Variants in CSMD1 observed in about 807,000 individuals in gnomAD.
The protein encoded by CSMD1 is CUB and Sushi multiple domains 1, also known as CUB and sushi domain-containing protein 1.
A neutral mutation model predicts 417.5 loss-of-function variants in CSMD1; 213 were observed. That is an observed-to-expected ratio of 0.51 (90% CI 0.46 to 0.57). The LOEUF (loss-of-function observed/expected upper bound fraction) is 0.57. Ranked by LOEUF, CSMD1 falls within the 20% of genes least tolerant of loss-of-function variation. The pLI is 0.00. For missense variants in CSMD1, 6,923 were observed against 4,529.7 expected (o/e 1.53, Z -15.17); for synonymous variants, 2,862 against 1,736.8 (o/e 1.65, Z -16.11).
intron 10 of CSMD1, among the ~76,000 whole-genome samples, chr8:3,515,957 A>C (rs149603709): frequency 6.6e-6 from 1 of 152,202 alleles, no homozygotes; most frequent in East Asian, 1.9e-4. Flanking sequence ...GTGACGTACC[A>C]AACTGTTCGT....
At chr8:4,887,591 C>G (rs1803836137) in intron 1 of CSMD1, among the ~76,000 whole-genome samples, 2 of 151,898 alleles carry the variant, frequency 1.3e-5, no homozygotes, top group South Asian at 2.1e-4. Flanking sequence ...TTATTTTAAT[C>G]TATTTCTGCT....
chr8:4,398,385 C>CTTTTTTTTTTTTTTTTTT (rs1317009143), intron 3 of CSMD1, among the ~76,000 whole-genome samples: 2 of 118,134 alleles, frequency 1.7e-5, no homozygotes, highest in Admixed American at 9.9e-5. Context: ...CTTGCTGCAA[C>CTTTTTTTTTTTTTTTTTT]TTCTTTTTTT....
At chr8:3,797,185 A>G (rs532702224) in intron 5 of CSMD1, among the ~76,000 whole-genome samples, 1 of 152,088 alleles carries the variant, frequency 6.6e-6, no homozygotes, top group Non-Finnish European at 1.5e-5. Flanking sequence ...TCAACTTGAA[A>G]TGTCAAAGAA....
chr8:3,453,945 C>G (rs1278075094), intron 12 of CSMD1, among the ~76,000 whole-genome samples: 3 of 152,128 alleles, frequency 2.0e-5, no homozygotes, highest in Non-Finnish European at 2.9e-5. Context: ...GTGTGGGACT[C>G]TAAGTCTCTT....
chr8:3,518,147 AG>A (rs33923605), intron 10 of CSMD1, among the ~76,000 whole-genome samples: 21,181 of 152,100 alleles, frequency 0.14, 1,605 homozygotes, highest in Admixed American at 0.21. Context: ...TAGAAAAAAA[AG>A]AATGGAAATA....
chr8:4,007,375 G>T (rs1262968182), intron 4 of CSMD1, among the ~76,000 whole-genome samples: 1 of 152,118 alleles, frequency 6.6e-6, no homozygotes, highest in Non-Finnish European at 1.5e-5. Flanking sequence ...TAGCCACACT[G>T]CTTCCTGGGG....
chr8:4,825,683 G>C (rs1347993180), intron 1 of CSMD1, among the ~76,000 whole-genome samples: 1 of 151,174 alleles, frequency 6.6e-6, no homozygotes, highest in Non-Finnish European at 1.5e-5. Context: ...CCAGTGAAAA[G>C]GCAACCTACA....
chr8:3,588,282 A>G (rs897572271), intron 8 of CSMD1, among the ~76,000 whole-genome samples: 7 of 151,862 alleles, frequency 4.6e-5, no homozygotes, highest in African/African-American at 1.4e-4. Flanking sequence ...AGATAACATA[A>G]TAGTTAAGAA....
At chr8:3,007,862 G>A (rs1808070412) in intron 52 of CSMD1, among the ~76,000 whole-genome samples, 1 of 151,604 alleles carries the variant, frequency 6.6e-6, no homozygotes, top group East Asian at 1.9e-4. Flanking sequence ...CATGGCACAT[G>A]TATACATATG....
chr8:3,993,493 G>C (rs1372563443), intron 5 of CSMD1, among the ~76,000 whole-genome samples: 1 of 152,130 alleles, frequency 6.6e-6, no homozygotes, highest in Non-Finnish European at 1.5e-5. Flanking sequence ...CTGAAGTTTT[G>C]TTTTAACTTT....
In CSMD1 at chr8:3,599,151, CTGTGTGTGTG is replaced by C. The variant is rs1554483034; in HGVS notation, c.1098-12901_1098-12892del. On this transcript the variant is annotated intron_variant, in intron 8 of 69. Transcript: ENST00000635120. ...TGTGTGTGTGTGTGTGTGTGTGTGT[CTGTGTGTGTG>C]TCTGTGTGTGTGTGTGTGTGAGATG... 7.5e-5 allele frequency among the ~76,000 whole-genome samples: 9 copies of C among 119,962 alleles called. No homozygotes were observed. The East Asian group carries it at 1.7e-3, about 23-fold the overall frequency. 78.7% of individuals were successfully genotyped at this position (119,962 alleles called of 152,430 possible). A position where few individuals can be genotyped will look rare whatever the true frequency, so the allele number is the denominator to read the frequency against.
At chr8:4,062,166 G>T (rs13253871) in intron 3 of CSMD1, among the ~76,000 whole-genome samples, 18 of 152,030 alleles carry the variant, frequency 1.2e-4, no homozygotes, top group South Asian at 6.2e-4. Context: ...CCAGAAACAC[G>T]CAAGACTTGC....
chr8:4,712,359 T>G (rs1039198151), intron 1 of CSMD1, among the ~76,000 whole-genome samples: 2 of 152,146 alleles, frequency 1.3e-5, no homozygotes, highest in African/African-American at 4.8e-5. Context: ...CCCTTTGATT[T>G]GTACATGGCA....
chr8:4,303,000 A>C (rs577598293), intron 3 of CSMD1, among the ~76,000 whole-genome samples: 3 of 152,290 alleles, frequency 2.0e-5, no homozygotes, highest in African/African-American at 7.2e-5. Context: ...AATAGACACA[A>C]AATCCAAGAA....
chr8:4,749,883 A>C (rs1035537101), intron 1 of CSMD1, among the ~76,000 whole-genome samples: 13 of 152,136 alleles, frequency 8.5e-5, no homozygotes, highest in African/African-American at 3.1e-4. Flanking sequence ...TGCAACTTCA[A>C]AATCCCGGGT....
rs147980523 is a variant in CSMD1 at position 3,970,885 on chromosome 8, G to C, written c.818+27018C>G. 1.0e-3 allele frequency among the ~76,000 whole-genome samples: 159 copies of C among 152,192 alleles called. 1 individual carries two copies. The highest frequency in any genetic ancestry group is 3.7e-3 in the African/African-American group (152 of 41,530). The stretch of plus-strand genomic sequence containing the variant: ...TCCTGCCTCAGCCTCCTGAGTAGCT[G>C]GGATTACAGGTGACTGCCACCATGC... On this transcript the variant is annotated intron_variant, in intron 5 of 69. Transcript: ENST00000635120.
At chr8:3,091,795 C>T in intron 47 of CSMD1, 133 bp from the exon 48 acceptor site, 1 of 656,618 alleles carries the variant, frequency 1.5e-6, no homozygotes, top group East Asian at 3.3e-5. Context: ...AAGTGGACAA[C>T]AAATTCCAAA....
At position 4,214,554 on chromosome 8, in the gene CSMD1, T is replaced by C. The variant is rs558777934; in HGVS notation, c.416-182455A>G. On this transcript the variant is annotated intron_variant, in intron 3 of 69. Transcript: ENST00000635120. ...CTCATGCAGTCTGTCTGACTTGGCC[T>C]CCCAAAGTGCTGGAATTACAGGCAT... Among the ~76,000 whole-genome samples, 16 of 152,308 alleles carry C rather than the reference T, an allele frequency of 1.1e-4. No homozygotes were observed. In the South Asian group the frequency reaches 1.9e-3, roughly 18 times the overall value.
chr8:4,281,270 AT>A (rs1796767310), intron 3 of CSMD1, among the ~76,000 whole-genome samples: 1 of 152,236 alleles, frequency 6.6e-6, no homozygotes, highest in Non-Finnish European at 1.5e-5. Context: ...TCTCGACAGC[AT>A]TATGGGAAAA....
Sources: allele counts gnomAD v4.1 joint callset (sites outside exome capture counted in the v4.1 genomes callset), GRCh38; gene constraint gnomAD v4.1.1; transcripts MANE v1.5; gene names NCBI Gene and HGNC (gene_info 2026-07-23, HGNC 2026-07-21).